CBLIF: variants seen among roughly 807,000 people sequenced by gnomAD.
CBLIF encodes the protein gastric intrinsic factor (vitamin B synthesis).
Under a neutral mutation model 44.9 loss-of-function variants are expected in CBLIF, and 24 were observed. The observed-to-expected ratio is 0.53, with a 90% CI of 0.39 to 0.75. The LOEUF is 0.75. Ranked by LOEUF, CBLIF falls within the 30% of genes least tolerant of loss-of-function variation. CBLIF has a pLI of 0.00. For missense variants in CBLIF, 481 were observed against 513.0 expected, an observed-to-expected ratio of 0.94 and a Z score of 0.60; for synonymous variants, 183 against 190.9, an observed-to-expected ratio of 0.96 and a Z score of 0.34.
At chr11:59,845,120 C>T in intron 1 of CBLIF, 1 of 485,562 alleles carries the variant, frequency 2.1e-6, no homozygotes, top group South Asian at 1.6e-5. Context: ...GCTTCAGTCT[C>T]CCAAAGTGCT....
chr11:59,835,136 C>T (rs1294746328), intron 7 of CBLIF, among the ~76,000 whole-genome samples: 1 of 150,148 alleles, frequency 6.7e-6, no homozygotes, highest in Non-Finnish European at 1.5e-5. Flanking sequence ...TTGTTCTGGC[C>T]ATTTCTTTTC....
intron 5 of CBLIF, among the ~76,000 whole-genome samples, 165 bp from the exon 6 acceptor site, chr11:59,837,516 T>A (rs1404063684): frequency 1.3e-5 from 2 of 152,324 alleles, no homozygotes; most frequent in Non-Finnish European, 2.9e-5. Flanking sequence ...TTGTCTTCAA[T>A]GCTATGTCCC....
intron 7 of CBLIF, among the ~76,000 whole-genome samples, chr11:59,833,447 G>A (rs1376058884): frequency 6.6e-6 from 1 of 151,946 alleles, no homozygotes; most frequent in African/African-American, 2.4e-5. Context: ...AACCCGGGAG[G>A]TGGGGGTTGC....
At chr11:59,830,641 T>A (rs1396631609) in intron 8 of CBLIF, among the ~76,000 whole-genome samples, 1 of 152,172 alleles carries the variant, frequency 6.6e-6, no homozygotes, top group Non-Finnish European at 1.5e-5. Context: ...ATGGGAAAAC[T>A]AATAATAATA....
At chr11:59,834,386 CTTTTTTTT>C (rs1406041432) in intron 7 of CBLIF, among the ~76,000 whole-genome samples, 5 of 125,016 alleles carry the variant, frequency 4.0e-5, no homozygotes, top group African/African-American at 6.0e-5. Flanking sequence ...TCTTTCCTTC[CTTTTTTTT>C]GTTTTTTTTT....
Position 59,834,244 on chromosome 11 carries a change from CTTTCTTTCTTTCTTTCTTTCTTTCTT to C in CBLIF, c.1073+1538_1073+1563del, listed in dbSNP as rs1866413771. 1.2e-3 allele frequency among the ~76,000 whole-genome samples: 91 copies of C among 77,734 alleles called. 2 individuals are homozygous for C. The highest frequency in any genetic ancestry group is 2.7e-4 in the Admixed American group (2 of 7,490). The allele number at this position is 77,734 out of a possible 152,430, so 51.0% of individuals were successfully genotyped here. A position where few individuals can be genotyped will look rare whatever the true frequency, so the allele number is the denominator to read the frequency against. On this transcript the variant is annotated intron_variant, in intron 7 of 8. Transcript: ENST00000257248. ...TCTGTTTCTTTCTTTCTTTCTTTTT[CTTTCTTTCTTTCTTTCTTTCTTTCTT>C]TCTTTCTTTCTTTCTTTCTTTCTTT... is the stretch of plus-strand genomic sequence containing the variant.
At chr11:59,832,171 G>A (rs763687271) in intron 7 of CBLIF, among the ~76,000 whole-genome samples, 9 of 152,096 alleles carry the variant, frequency 5.9e-5, no homozygotes, top group South Asian at 2.1e-4. Context: ...ATTGTGAATC[G>A]TGCTGCAATG....
At chr11:59,842,708 A>G in intron 3 of CBLIF, 125 bp from the exon 4 acceptor site, 2 of 900,622 alleles carry the variant, frequency 2.2e-6, no homozygotes, top group Non-Finnish European at 3.6e-6. Context: ...AGAGAGACAC[A>G]GCATAGGCAA....
intron 6 of CBLIF, among the ~76,000 whole-genome samples, chr11:59,836,301 A>C (rs750815059): frequency 4.3e-4 from 66 of 152,246 alleles, no homozygotes; most frequent in Non-Finnish European, 7.2e-4. Flanking sequence ...TTCTGCATTG[A>C]GATAGACGAG....
chr11:59,834,288 CTTT>C lies in CBLIF; in HGVS notation c.1073+1517_1073+1519del, dbSNP rs1866418743. On this transcript the variant is annotated intron_variant, in intron 7 of 8. Transcript: ENST00000257248. ...TCTTTCTTTCTTTCTTTCTTTCTTTCTTTCTTTCTTTCTTTCTTTCTTTCTTCC... is the reference window on the plus strand; with the variant it reads ...TCTTTCTTTCTTTCTTTCTTTCTTTCCTTTCTTTCTTTCTTTCTTTCTTCC... Among the ~76,000 whole-genome samples the C allele has an allele frequency of 2.2e-5, 3 of 138,462 alleles. 1 individual carries two copies. The highest frequency in any genetic ancestry group is 8.1e-5 in the African/African-American group (3 of 36,844). 90.8% of individuals were successfully genotyped at this position (138,462 alleles called of 152,430 possible). A position where few individuals can be genotyped will look rare whatever the true frequency, so the allele number is the denominator to read the frequency against.
intron 8 of CBLIF, among the ~76,000 whole-genome samples, chr11:59,830,288 G>C (rs1288579321): frequency 6.9e-6 from 1 of 145,456 alleles, no homozygotes; most frequent in Admixed American, 7.0e-5. Flanking sequence ...CCAAGCTGGA[G>C]TGCAGTGGTG....
chr11:59,833,618 A>C (rs1194002108), intron 7 of CBLIF, among the ~76,000 whole-genome samples: 1 of 152,184 alleles, frequency 6.6e-6, no homozygotes, highest in Non-Finnish European at 1.5e-5. Context: ...AGCAGCAGAC[A>C]CAATGTGCTC....
In CBLIF at chr11:59,835,880, T is replaced by C. The variant is rs766004847; in HGVS notation, c.1001A>G (p.Asn334Ser). The change falls in exon 7 of 9, where the codon AAT (asparagine) becomes AGT (serine). Residue 334 changes from asparagine to serine, a missense_variant. Physicochemically the swap from Asn to Ser is conservative, Grantham distance 46. Transcript: ENST00000257248. ...GVELLFNETI[N>S]VSVKSGSVLL... Reference sequence around the variant, plus strand: ...CACTGACCCACTTTTCACACTAACATTGATGGTCTCGTTGAAGAGCAGCTC... The same window carrying C: ...CACTGACCCACTTTTCACACTAACACTGATGGTCTCGTTGAAGAGCAGCTC... 3 of 1,614,114 alleles carry C rather than the reference T, an allele frequency of 1.9e-6. No individual in the cohort carries two copies. The highest frequency in any genetic ancestry group is 1.7e-5 in the Admixed American group (1 of 60,014).
At chr11:59,831,254 T>C (rs768609549) in intron 8 of CBLIF, among the ~76,000 whole-genome samples, 7 of 152,244 alleles carry the variant, frequency 4.6e-5, no homozygotes, top group Non-Finnish European at 1.0e-4. Flanking sequence ...CATTCCTCTC[T>C]CTGGAGATTT....
chr11:59,830,813 C>T (rs528632015), intron 8 of CBLIF, among the ~76,000 whole-genome samples: 5 of 152,228 alleles, frequency 3.3e-5, no homozygotes, highest in Admixed American at 2.0e-4. Context: ...TAATATAATG[C>T]AGCTATTAAA....
At chr11:59,845,063 A>G (rs1411680337) in intron 1 of CBLIF, among the ~76,000 whole-genome samples, 1 of 151,834 alleles carries the variant, frequency 6.6e-6, no homozygotes, top group African/African-American at 2.4e-5. Flanking sequence ...GAGTCTCACC[A>G]TGTTGCCCAG....
intron 3 of CBLIF, chr11:59,842,809 G>C (rs558516123): frequency 1.6e-6 from 1 of 641,090 alleles, no homozygotes; most frequent in South Asian, 1.8e-5. Context: ...GGTGATGGCT[G>C]GACAAGCTTG....
Position 59,842,485 on chromosome 11 carries a change from A to G in CBLIF, c.469T>C (p.Phe157Leu), listed in dbSNP as rs767220489. The G allele has an allele frequency of 6.2e-6, 10 of 1,613,896 alleles. No homozygotes were observed. Among genetic ancestry groups the G allele is most frequent in the Non-Finnish European group, 8.5e-6 (10 of 1,180,042 alleles). Residue 157 changes from phenylalanine (F) to leucine (L), a missense_variant, in exon 4 of 9, where the codon TTT (phenylalanine) becomes CTT (leucine). Coordinates refer to ENST00000257248, the MANE Select transcript of CBLIF (RefSeq NM_005142.3). ...GAGTTGGCCAGCAGGGTCTTGGCAA[A>G]GCGGACGGCTATCGGCAAGGTCGCC... ...SEATLPIAVR[F>L]AKTLLANSSP...
intron 8 of CBLIF, among the ~76,000 whole-genome samples, chr11:59,829,830 A>G (rs2135080333): frequency 6.6e-6 from 1 of 152,334 alleles, no homozygotes; most frequent in South Asian, 2.1e-4. Flanking sequence ...TTTGTTAATA[A>G]TATTTACTCT....
Sources: allele counts gnomAD v4.1 joint callset (sites outside exome capture counted in the v4.1 genomes callset), GRCh38; gene constraint gnomAD v4.1.1; transcripts MANE v1.5; gene names NCBI Gene and HGNC (gene_info 2026-07-23, HGNC 2026-07-21).